Variants in ADARB2 observed in about 807,000 individuals in gnomAD.
ADARB2 encodes the protein adenosine deaminase RNA specific B2 (inactive), also known as inactive double-stranded RNA-specific editase B2.
ADARB2 carries 25 observed loss-of-function variants against 62.2 expected under a neutral mutation model. The ratio of observed to expected loss-of-function variants is 0.40; its 90% confidence interval spans 0.29 to 0.56. The LOEUF (loss-of-function observed/expected upper bound fraction) is 0.56. Among genes scored for constraint, ADARB2 ranks in the 20% least tolerant of loss-of-function variants. ADARB2 has a pLI of 0.43. For synonymous variants in ADARB2, 572 were observed against 500.8 expected (o/e 1.14, Z -1.90); for missense variants, 1,071 against 1,077.4 (o/e 0.99, Z 0.08).
chr10:1,285,384 G>A (rs893884968), intron 3 of ADARB2, among the ~76,000 whole-genome samples: 1 of 152,178 alleles, frequency 6.6e-6, no homozygotes, highest in African/African-American at 2.4e-5. Context: ...GGGTTCTGGA[G>A]AATCCTTGGT....
intron 1 of ADARB2, among the ~76,000 whole-genome samples, chr10:1,662,547 T>C (rs773583017): frequency 2.0e-5 from 3 of 152,228 alleles, no homozygotes; most frequent in African/African-American, 4.8e-5. Context: ...ACAAATGGCA[T>C]GGTTTTATGC....
chr10:1,488,789 T>C (rs1210867909), intron 1 of ADARB2, among the ~76,000 whole-genome samples: 2 of 152,228 alleles, frequency 1.3e-5, no homozygotes, highest in African/African-American at 4.8e-5. Flanking sequence ...TACGTGTATC[T>C]GTGTTTCCTC....
chr10:1,441,466 T>C (rs1392821328), intron 1 of ADARB2, among the ~76,000 whole-genome samples: 1 of 152,220 alleles, frequency 6.6e-6, no homozygotes, highest in Non-Finnish European at 1.5e-5. Flanking sequence ...TTACATATGA[T>C]TATTTGTTTT....
At chr10:1,330,288 G>A (rs571714106) in intron 3 of ADARB2, among the ~76,000 whole-genome samples, 89 of 152,302 alleles carry the variant, frequency 5.8e-4, no homozygotes, top group African/African-American at 1.9e-3. Context: ...AGGGCACCAT[G>A]CTTGGAGCTG....
chr10:1,674,116 C>T (rs963703522), intron 1 of ADARB2, among the ~76,000 whole-genome samples: 17 of 152,374 alleles, frequency 1.1e-4, no homozygotes, highest in Admixed American at 3.9e-4. Context: ...CCACTGGGAA[C>T]GGCCCCGTCG....
intron 1 of ADARB2, among the ~76,000 whole-genome samples, chr10:1,385,544 A>G (rs1177660326): frequency 6.6e-6 from 1 of 152,156 alleles, no homozygotes; most frequent in Non-Finnish European, 1.5e-5. Context: ...ACTTTGCAAA[A>G]CATATCAGTA....
chr10:1,529,590 C>T (rs552392393), intron 1 of ADARB2, among the ~76,000 whole-genome samples: 6 of 152,302 alleles, frequency 3.9e-5, no homozygotes, highest in East Asian at 3.9e-4. Context: ...TTCCCCTCAC[C>T]GACACCCTTA....
At position 1,296,941 on chromosome 10, in the gene ADARB2, C is replaced by T. The variant is rs117985017; in HGVS notation, c.1078-25872G>A. Among the ~76,000 whole-genome samples, 16 of 152,292 alleles carry T rather than the reference C, an allele frequency of 1.1e-4. No individual in the cohort carries two copies. In the East Asian group the frequency reaches 2.9e-3, roughly 28 times the overall value. On this transcript the variant is annotated intron_variant, in intron 3 of 9. Transcript: ENST00000381312. ...CTGCCCGCTGCCTTCAGGGCAGTAA[C>T]AGTCTGTCTTTTCTAACTCCCATCT...
At chr10:1,576,678 C>T (rs933788969) in intron 1 of ADARB2, among the ~76,000 whole-genome samples, 5 of 152,116 alleles carry the variant, frequency 3.3e-5, no homozygotes, top group South Asian at 2.1e-4. Context: ...AGCGGAGGGG[C>T]GCTGTGCACC....
At chr10:1,675,480 G>A (rs1248017028) in intron 1 of ADARB2, 25 of 982,254 alleles carry the variant, frequency 2.5e-5, no homozygotes, top group Non-Finnish European at 2.8e-5. Flanking sequence ...TGGGTTTGGG[G>A]GTACATGGAT....
At chr10:1,330,488 A>C (rs1195319518) in intron 3 of ADARB2, among the ~76,000 whole-genome samples, 1 of 152,244 alleles carries the variant, frequency 6.6e-6, no homozygotes, top group Non-Finnish European at 1.5e-5. Flanking sequence ...CCTGATAAAC[A>C]GCATCTACAA....
Position 1,429,709 on chromosome 10 carries a change from G to A in ADARB2, c.101-50549C>T, listed in dbSNP as rs577206109. 2.6e-5 allele frequency among the ~76,000 whole-genome samples: 4 copies of A among 152,300 alleles called. No homozygotes were observed. The East Asian group carries it at 7.7e-4, about 29-fold the overall frequency. On this transcript the variant is annotated intron_variant, in intron 1 of 9. Coordinates refer to ENST00000381312, the MANE Select transcript of ADARB2 (RefSeq NM_018702.4). ...GATATGAATCCTGCTGGGCTGGTCT[G>A]CACCATACTTATTAAGACAGTCACT...
At chr10:1,296,614 G>T (rs1022379025) in intron 3 of ADARB2, among the ~76,000 whole-genome samples, 1 of 152,060 alleles carries the variant, frequency 6.6e-6, no homozygotes, top group Non-Finnish European at 1.5e-5. Flanking sequence ...AGGGGGAAGG[G>T]GTCAGGATGG....
At chr10:1,731,147 T>C (rs1835226180) in intron 1 of ADARB2, among the ~76,000 whole-genome samples, 1 of 152,146 alleles carries the variant, frequency 6.6e-6, no homozygotes, top group Admixed American at 6.5e-5. Flanking sequence ...AAAGCAAACA[T>C]GTCAGTTTCT....
chr10:1,191,283 C>T (rs1009194167), intron 8 of ADARB2, among the ~76,000 whole-genome samples: 4 of 152,244 alleles, frequency 2.6e-5, no homozygotes, highest in African/African-American at 9.6e-5. Flanking sequence ...GCCCAGAGAG[C>T]AGTTCTGTGC....
chr10:1,580,805 T>C (rs1396992235), intron 1 of ADARB2, among the ~76,000 whole-genome samples: 2 of 152,334 alleles, frequency 1.3e-5, no homozygotes, highest in Non-Finnish European at 2.9e-5. Context: ...TATGTTTTCA[T>C]AGCTTTATGT....
At chr10:1,434,282 AAT>A (rs1195167403) in intron 1 of ADARB2, among the ~76,000 whole-genome samples, 1 of 152,200 alleles carries the variant, frequency 6.6e-6, no homozygotes, top group Non-Finnish European at 1.5e-5. Flanking sequence ...GTAATTTGAA[AAT>A]GTTTTGCCTC....
chr10:1,286,536 T>C (rs1489491286), intron 3 of ADARB2, among the ~76,000 whole-genome samples: 1 of 152,220 alleles, frequency 6.6e-6, no homozygotes, highest in Admixed American at 6.5e-5. Flanking sequence ...AGTGAAGGCA[T>C]GAAAAGGAAA....
Position 1,363,529 on chromosome 10 carries a change from G to A in ADARB2, c.576C>T (p.Phe192=). The change falls in exon 3 of 10, where the codon TTC becomes TTT. Residue 192 remains phenylalanine, a synonymous_variant. Transcript: ENST00000381312. ...CCAGGTGCGCCTGGCAGGCGTTGGGGAACTGCACGAAGGACCTGAGTGCCA... is the reference window on the plus strand; with the variant it reads ...CCAGGTGCGCCTGGCAGGCGTTGGGAAACTGCACGAAGGACCTGAGTGCCA... ...AELALRSFVQ[F]PNACQAHLAM... 1 of 1,549,498 alleles carries A rather than the reference G, an allele frequency of 6.5e-7. No individual in the cohort carries two copies. Among genetic ancestry groups the A allele is most frequent in the Non-Finnish European group, 8.7e-7 (1 of 1,151,138 alleles).
Sources: gnomAD v4.1 joint callset for allele counts (sites outside exome capture counted in the v4.1 genomes callset) on GRCh38, gnomAD v4.1.1 for gene constraint, MANE v1.5 for transcripts, NCBI Gene and HGNC (gene_info 2026-07-23, HGNC 2026-07-21) for gene names.